CHRNA9: variants seen among roughly 807,000 people sequenced by gnomAD.
CHRNA9 encodes the protein neuronal acetylcholine receptor subunit alpha-9.
Under a neutral mutation model 36.8 loss-of-function variants are expected in CHRNA9, and 24 were observed. The observed-to-expected ratio is 0.65, with a 90% CI of 0.47 to 0.92. CHRNA9 has a LOEUF of 0.92. Ranked by LOEUF, CHRNA9 falls within the 40% of genes least tolerant of loss-of-function variation. CHRNA9 has a pLI of 0.00. For missense variants in CHRNA9, 610 were observed against 601.2 expected (o/e 1.01, Z -0.15); for synonymous variants, 231 against 231.8 (o/e 1.00, Z 0.03).
chr4:40,335,827 C>T lies in CHRNA9; in HGVS notation c.65C>T (p.Ala22Val). Residue 22 changes from alanine (A) to valine (V), a missense_variant and splice_region_variant, in exon 2 of 5, where the codon GCT becomes GTT. Ala to Val is a moderately conservative substitution (Grantham distance 64). Transcript: ENST00000310169. The stretch of plus-strand genomic sequence containing the variant: ...AATCCAGATCCCTCTTGTTGAGTAG[C>T]TGCAGAGACGGCAGATGGAAAATAT... ...WIYFAASRLR[A>V]AETADGKYAQ... is the part of the protein sequence containing the mutation. 1 of 1,611,926 alleles carries T rather than the reference C, an allele frequency of 6.2e-7. No homozygotes were observed. Among genetic ancestry groups the T allele is most frequent in the African/African-American group, 1.3e-5 (1 of 75,030 alleles).
At chr4:40,353,564 T>C (rs1246933861) in intron 4 of CHRNA9, among the ~76,000 whole-genome samples, 1 of 152,224 alleles carries the variant, frequency 6.6e-6, no homozygotes, top group Non-Finnish European at 1.5e-5. Context: ...TTGTTTCTTT[T>C]TAAGCCAAAC....
chr4:40,344,741 T>C lies in CHRNA9; in HGVS notation c.366-4141T>C, dbSNP rs537448628. ...AACTCAAATCTCCATGATATTTTTA[T>C]GAGAAGTAAATAAGAATTTTAAGAC... On this transcript the variant is annotated intron_variant, in intron 3 of 4. Transcript: ENST00000310169. 2.0e-5 allele frequency among the ~76,000 whole-genome samples: 3 copies of C among 152,262 alleles called. No homozygotes were observed. In the South Asian group the frequency reaches 6.2e-4, roughly 32 times the overall value.
Position 40,349,150 on chromosome 4 carries a change from A to G in CHRNA9, c.634A>G (p.Lys212Glu), listed in dbSNP as rs375870108. Residue 212 changes from lysine to glutamate, a missense_variant, in exon 4 of 5, where the codon AAG becomes GAG. Physicochemically the swap from Lys to Glu is moderately conservative, Grantham distance 56 (BLOSUM62 1). Coordinates refer to ENST00000310169, the MANE Select transcript of CHRNA9 (RefSeq NM_017581.4). ...EWEVHGMPAV[K>E]NVISYGCCSE... ...GGAGGTCCATGGCATGCCCGCTGTG[A>G]AGAATGTGATCTCCTATGGCTGCTG... 197 of 1,614,042 alleles carry G rather than the reference A, an allele frequency of 1.2e-4. No individual in the cohort carries two copies. The highest frequency in any genetic ancestry group is 1.6e-4 in the Non-Finnish European group (190 of 1,180,026).
intron 3 of CHRNA9, among the ~76,000 whole-genome samples, chr4:40,347,115 T>C (rs1332989890): frequency 1.3e-5 from 2 of 152,138 alleles, no homozygotes; most frequent in Non-Finnish European, 2.9e-5. Context: ...ACCCAGCCAA[T>C]ATATTTTTTA....
intron 3 of CHRNA9, 76 bp downstream of exon 3, chr4:40,337,440 G>A: frequency 2.0e-6 from 3 of 1,504,442 alleles, no homozygotes; most frequent in Non-Finnish European, 2.7e-6. Context: ...AATGAAAAAG[G>A]AATGTTTAAA....
chr4:40,354,352 G>C lies in CHRNA9; in HGVS notation c.1272G>C (p.Leu424=). ...AESYCAQYKV[L]TRNIEYIAKC... is the part of the protein sequence containing the mutation. ...GTTACTGTGCACAGTACAAAGTGCT[G>C]ACGAGGAATATTGAGTACATCGCCA... Residue 424 remains leucine, a synonymous_variant, in exon 5 of 5, where the codon CTG becomes CTC. Coordinates refer to ENST00000310169, the MANE Select transcript of CHRNA9 (RefSeq NM_017581.4). The C allele has an allele frequency of 6.2e-7, 1 of 1,614,208 alleles. No individual in the cohort carries two copies. Among genetic ancestry groups the C allele is most frequent in the Non-Finnish European group, 8.5e-7 (1 of 1,180,040 alleles).
In CHRNA9 at chr4:40,354,217, G is replaced by A. The variant is rs1560319599; in HGVS notation, c.1137G>A (p.Glu379=). 1.2e-6 allele frequency: 2 copies of A among 1,614,200 alleles called. No homozygotes were observed. The highest frequency in any genetic ancestry group is 1.7e-6 in the Non-Finnish European group (2 of 1,180,040). ...CGAAAGTTTATAGCAAACTCCCAGA[G>A]TCTAACCTGAAAGCAGCCAGGAACA... is the stretch of plus-strand genomic sequence containing the variant. The part of the protein sequence containing the change: ...HLTKVYSKLP[E]SNLKAARNKD... Residue 379 remains glutamate (E), a synonymous_variant, in exon 5 of 5, where the codon GAG becomes GAA. Coordinates refer to ENST00000310169, the MANE Select transcript of CHRNA9 (RefSeq NM_017581.4).
Position 40,354,287 on chromosome 4 carries a change from G to A in CHRNA9, c.1207G>A (p.Asp403Asn), listed in dbSNP as rs758963649. Reference protein sequence around the residue: ...KKDMNKRLKNDLGCQGKNPQE... With the variant: ...KKDMNKRLKNNLGCQGKNPQE... ...GGACATGAACAAACGCTTAAAGAAC[G>A]ACCTGGGCTGCCAGGGTAAGAACCC... The change falls in exon 5 of 5, where the codon GAC (aspartate) becomes AAC (asparagine). Residue 403 changes from aspartate to asparagine, a missense_variant. Asp to Asn is a conservative substitution (Grantham distance 23, BLOSUM62 1). Coordinates refer to ENST00000310169, the MANE Select transcript of CHRNA9 (RefSeq NM_017581.4). The A allele has an allele frequency of 6.2e-6, 10 of 1,614,076 alleles. No individual in the cohort carries two copies. The highest frequency in any genetic ancestry group is 1.1e-5 in the South Asian group (1 of 91,092).
intron 3 of CHRNA9, among the ~76,000 whole-genome samples, chr4:40,348,638 G>A (rs771690235): frequency 9.9e-5 from 15 of 152,176 alleles, no homozygotes; most frequent in Admixed American, 7.9e-4. Context: ...GGAATGGACA[G>A]GAAGGGACAG....
intron 4 of CHRNA9, among the ~76,000 whole-genome samples, chr4:40,352,090 C>CT (rs1712817817): frequency 6.6e-6 from 1 of 152,134 alleles, no homozygotes; most frequent in Admixed American, 6.5e-5. Context: ...ATTTTTGGGC[C>CT]TGGAACATTT....
In CHRNA9 at chr4:40,349,256, C is replaced by G; in HGVS notation, c.740C>G (p.Pro247Arg). 6.2e-7 allele frequency: 1 copy of G among 1,614,152 alleles called. No homozygotes were observed. Residue 247 changes from proline (P) to arginine (R), a missense_variant, in exon 4 of 5, where the codon CCA becomes CGA. Physicochemically the swap from Pro to Arg is moderately radical, Grantham distance 103. Coordinates refer to ENST00000310169, the MANE Select transcript of CHRNA9 (RefSeq NM_017581.4). ...TTCTATATCGTCAACCTCCTCATCCCATGCGTCCTCATATCTTTTCTGGCT... is the reference window on the plus strand; with the variant it reads ...TTCTATATCGTCAACCTCCTCATCCGATGCGTCCTCATATCTTTTCTGGCT... ...SSFYIVNLLI[P>R]CVLISFLAPL...
chr4:40,351,989 C>G (rs1159725004), intron 4 of CHRNA9, among the ~76,000 whole-genome samples: 2 of 152,340 alleles, frequency 1.3e-5, no homozygotes, highest in African/African-American at 4.8e-5. Flanking sequence ...ATGAACTGGA[C>G]AGTTTTCCCT....
At chr4:40,339,204 G>A (rs1457181580) in intron 3 of CHRNA9, among the ~76,000 whole-genome samples, 6 of 146,878 alleles carry the variant, frequency 4.1e-5, no homozygotes, top group East Asian at 2.0e-4. Context: ...ACTTAAACCC[G>A]GGAGGCAGGG....
chr4:40,335,704 C>T (rs1712296042), intron 1 of CHRNA9, 123 bp from the exon 2 acceptor site: 3 of 1,083,360 alleles, frequency 2.8e-6, no homozygotes, highest in East Asian at 2.4e-5. Context: ...CTCATCCATC[C>T]ACCCAAAGCT....
At chr4:40,337,148 C>A in intron 2 of CHRNA9, 62 bp from the exon 3 acceptor site, 2 of 1,477,114 alleles carry the variant, frequency 1.4e-6, no homozygotes, top group Non-Finnish European at 9.4e-7. Context: ...AACAAGTGTC[C>A]TATCAGTGGA....
chr4:40,347,006 T>A (rs559930133), intron 3 of CHRNA9, among the ~76,000 whole-genome samples: 3 of 151,966 alleles, frequency 2.0e-5, no homozygotes, highest in Non-Finnish European at 4.4e-5. Context: ...AGAGATGGGG[T>A]TTTGCCATGT....
rs760238787 is a variant in CHRNA9 at position 40,354,363 on chromosome 4, T to C, written c.1283T>C (p.Ile428Thr). ...CAQYKVLTRNIEYIAKCLKDH... is the reference protein window; with the variant it reads ...CAQYKVLTRNTEYIAKCLKDH... ...CAGTACAAAGTGCTGACGAGGAATA[T>C]TGAGTACATCGCCAAGTGCCTCAAA... Residue 428 changes from isoleucine to threonine, a missense_variant, in exon 5 of 5, where the codon ATT becomes ACT. By Grantham distance (89) the Ile-to-Thr change is moderately conservative. Transcript: ENST00000310169. 30 of 1,614,046 alleles carry C rather than the reference T, an allele frequency of 1.9e-5. No homozygotes were observed. The East Asian group carries it at 3.1e-4, about 17-fold the overall frequency.
intron 4 of CHRNA9, among the ~76,000 whole-genome samples, chr4:40,350,388 G>T (rs1253310902): frequency 6.6e-6 from 1 of 152,048 alleles, no homozygotes; most frequent in Admixed American, 6.6e-5. Flanking sequence ...TGTTCTGAGG[G>T]CTTTCCTATC....
In CHRNA9 at chr4:40,335,944, A is replaced by G. The variant is rs996733030; in HGVS notation, c.182A>G (p.Gln61Arg). ...DTDKVLNVTL[Q>R]ITLSQIKDMD... The stretch of plus-strand genomic sequence containing the variant: ...GATAAAGTCCTGAATGTGACCCTGC[A>G]GATTACGCTCTCTCAGATTAAGGAT... The change falls in exon 2 of 5, where the codon CAG becomes CGG. Residue 61 changes from glutamine (Q) to arginine (R), a missense_variant. Gln to Arg is a conservative substitution (Grantham distance 43, BLOSUM62 1). Transcript: ENST00000310169. The G allele has an allele frequency of 1.2e-6, 2 of 1,613,256 alleles. No individual in the cohort carries two copies. The highest frequency in any genetic ancestry group is 1.7e-6 in the Non-Finnish European group (2 of 1,179,132).
Sources: gnomAD v4.1 joint callset for allele counts (sites outside exome capture counted in the v4.1 genomes callset) on GRCh38, gnomAD v4.1.1 for gene constraint, MANE v1.5 for transcripts, NCBI Gene and HGNC (gene_info 2026-07-23, HGNC 2026-07-21) for gene names.